SLC9A9: variants seen among roughly 807,000 people sequenced by gnomAD.
SLC9A9 encodes the protein solute carrier family 9 member A9.
SLC9A9 carries 62 observed loss-of-function variants against 77.8 expected under a neutral mutation model. The observed-to-expected ratio is 0.80, with a 90% CI of 0.65 to 0.98. The LOEUF is 0.98. Among genes scored for constraint, SLC9A9 ranks in the 50% least tolerant of loss-of-function variants. The probability of loss-of-function intolerance (pLI) is 0.00; values close to 1 mark genes in which losing one functional copy is unlikely to be tolerated. For missense variants in SLC9A9, 775 were observed against 774.9 expected, an observed-to-expected ratio of 1.00 and a Z score of 0.00; for synonymous variants, 320 against 283.5, an observed-to-expected ratio of 1.13 and a Z score of -1.29.
intron 14 of SLC9A9, among the ~76,000 whole-genome samples, chr3:143,355,263 G>T (rs914457656): frequency 6.6e-6 from 1 of 152,136 alleles, no homozygotes; most frequent in Non-Finnish European, 1.5e-5. Flanking sequence ...TAAAATAATG[G>T]AAATTTTAGT....
At chr3:143,472,479 C>T (rs1369973499) in intron 11 of SLC9A9, among the ~76,000 whole-genome samples, 1 of 152,144 alleles carries the variant, frequency 6.6e-6, no homozygotes, top group African/African-American at 2.4e-5. Context: ...TCTCCTATAA[C>T]CCTCATCAAA....
intron 6 of SLC9A9, 93 bp downstream of exon 6, chr3:143,652,162 G>T: frequency 9.8e-7 from 1 of 1,024,920 alleles, no homozygotes; most frequent in Non-Finnish European, 1.5e-6. Context: ...AAAAGCTAGA[G>T]ACTGCCCGTA....
intron 6 of SLC9A9, among the ~76,000 whole-genome samples, chr3:143,623,671 T>C (rs2108716756): frequency 6.6e-6 from 1 of 151,930 alleles, no homozygotes; most frequent in Admixed American, 6.6e-5. Flanking sequence ...AGGAAAGATC[T>C]AAAATTGACA....
At chr3:143,575,399 C>T (rs2037341481) in intron 7 of SLC9A9, among the ~76,000 whole-genome samples, 1 of 152,168 alleles carries the variant, frequency 6.6e-6, no homozygotes, top group South Asian at 2.1e-4. Context: ...AATAATAATA[C>T]CACCTACCTC....
At chr3:143,588,010 G>A (rs1260200139) in intron 6 of SLC9A9, among the ~76,000 whole-genome samples, 2 of 152,188 alleles carry the variant, frequency 1.3e-5, no homozygotes, top group Admixed American at 1.3e-4. Context: ...ACAAGATATA[G>A]TCCAAAAGTA....
At chr3:143,626,512 A>G (rs2038329518) in intron 6 of SLC9A9, among the ~76,000 whole-genome samples, 1 of 152,142 alleles carries the variant, frequency 6.6e-6, no homozygotes, top group Non-Finnish European at 1.5e-5. Flanking sequence ...AAACTATCGC[A>G]AGGACAAAAA....
chr3:143,418,399 C>T (rs966231377), intron 12 of SLC9A9, among the ~76,000 whole-genome samples: 5 of 152,020 alleles, frequency 3.3e-5, no homozygotes, highest in East Asian at 1.9e-4. Flanking sequence ...TCAAGTTCAT[C>T]GCAGGTGATC....
chr3:143,398,061 T>A (rs1156527455), intron 12 of SLC9A9, among the ~76,000 whole-genome samples: 2 of 152,140 alleles, frequency 1.3e-5, no homozygotes, highest in East Asian at 1.9e-4. Flanking sequence ...ACACAATTCA[T>A]TCAAAACATG....
chr3:143,692,604 T>A (rs541373353), intron 5 of SLC9A9, among the ~76,000 whole-genome samples: 6 of 152,294 alleles, frequency 3.9e-5, no homozygotes, highest in African/African-American at 7.2e-5. Flanking sequence ...AAACATTTTT[T>A]AAAAATATCT....
At chr3:143,825,689 G>C (rs1191258770) in intron 2 of SLC9A9, among the ~76,000 whole-genome samples, 1 of 152,232 alleles carries the variant, frequency 6.6e-6, no homozygotes, top group Non-Finnish European at 1.5e-5. Flanking sequence ...CCAAGCGATA[G>C]TGTCTACTTG....
At chr3:143,322,355 T>G (rs2031449085) in intron 14 of SLC9A9, among the ~76,000 whole-genome samples, 1 of 152,152 alleles carries the variant, frequency 6.6e-6, no homozygotes, top group Non-Finnish European at 1.5e-5. Flanking sequence ...GGCTTGCAAT[T>G]GAGGCATCAG....
chr3:143,656,109 A>G (rs2038883333), intron 5 of SLC9A9, among the ~76,000 whole-genome samples: 2 of 152,224 alleles, frequency 1.3e-5, no homozygotes, highest in African/African-American at 4.8e-5. Context: ...GCTGAGAGTC[A>G]GGAGAGAAAC....
rs146257102 is a variant in SLC9A9 at position 143,300,735 on chromosome 3, C to T, written c.1605-31755G>A. ...GAGTCTGATTTGGTACAGGGTGAGG[C>T]CTGAGCATCAGGTTTTTTAAAAGTT... On this transcript the variant is annotated intron_variant, in intron 14 of 15. Transcript: ENST00000316549. 1.8e-3 allele frequency among the ~76,000 whole-genome samples: 277 copies of T among 152,270 alleles called. 2 individuals carry two copies. Among genetic ancestry groups the T allele is most frequent in the African/African-American group, 6.3e-3 (263 of 41,544 alleles).
intron 14 of SLC9A9, among the ~76,000 whole-genome samples, chr3:143,301,399 C>T (rs527788658): frequency 3.3e-5 from 5 of 152,242 alleles, no homozygotes; most frequent in East Asian, 1.9e-4. Flanking sequence ...AGCAAGAGGG[C>T]GGAAATGATT....
At chr3:143,479,844 A>G (rs2108579693) in intron 11 of SLC9A9, among the ~76,000 whole-genome samples, 1 of 152,364 alleles carries the variant, frequency 6.6e-6, no homozygotes, top group Middle Eastern at 3.4e-3. Context: ...AGTCTCTGAT[A>G]GAATGTTTTC....
At chr3:143,494,093 G>C (rs191213933) in intron 10 of SLC9A9, among the ~76,000 whole-genome samples, 1 of 152,314 alleles carries the variant, frequency 6.6e-6, no homozygotes, top group East Asian at 1.9e-4. Context: ...GTGAGGCAGA[G>C]ACCATTCAGA....
chr3:143,784,566 C>T (rs1237865682), intron 4 of SLC9A9, among the ~76,000 whole-genome samples: 1 of 150,654 alleles, frequency 6.6e-6, no homozygotes, highest in Admixed American at 6.6e-5. Context: ...ACCATGTTGC[C>T]CTGGCTGGTC....
chr3:143,549,854 A>G (rs552715123), intron 9 of SLC9A9, among the ~76,000 whole-genome samples: 1 of 152,310 alleles, frequency 6.6e-6, no homozygotes, highest in South Asian at 2.1e-4. Flanking sequence ...AAAAGAGGTT[A>G]GGAAAAAAAC....
At chr3:143,506,143 G>A (rs2036013278) in intron 9 of SLC9A9, among the ~76,000 whole-genome samples, 1 of 152,184 alleles carries the variant, frequency 6.6e-6, no homozygotes, top group African/African-American at 2.4e-5. Flanking sequence ...GAAATAGATT[G>A]ACCTTAGATC....
Sources: allele counts gnomAD v4.1 joint callset (sites outside exome capture counted in the v4.1 genomes callset), GRCh38; gene constraint gnomAD v4.1.1; transcripts MANE v1.5; gene names NCBI Gene and HGNC (gene_info 2026-07-23, HGNC 2026-07-21).